INPP4B: variants seen among roughly 807,000 people sequenced by gnomAD.
INPP4B encodes inositol polyphosphate 4-phosphatase type II.
Under a neutral mutation model 122.5 loss-of-function variants are expected in INPP4B, and 55 were observed. The ratio of observed to expected loss-of-function variants is 0.45; its 90% CI spans 0.36 to 0.56. The LOEUF (loss-of-function observed/expected upper bound fraction) is 0.56. INPP4B is among the 20% of genes least tolerant of loss of function. INPP4B has a pLI of 0.00. For missense variants in INPP4B, 1,000 were observed against 1,097.7 expected, an observed-to-expected ratio of 0.91 and a Z score of 1.26; for synonymous variants, 403 against 388.7, an observed-to-expected ratio of 1.04 and a Z score of -0.43.
At chr4:142,063,073 ATATG>A in intron 25 of INPP4B, among the ~76,000 whole-genome samples, 1 of 152,328 alleles carries the variant, frequency 6.6e-6, no homozygotes, top group South Asian at 2.1e-4. Flanking sequence ...GCCTTCTTTT[ATATG>A]TAAGAATGTT....
intron 14 of INPP4B, among the ~76,000 whole-genome samples, chr4:142,206,931 G>A (rs907371536): frequency 6.6e-6 from 1 of 152,030 alleles, no homozygotes; most frequent in Non-Finnish European, 1.5e-5. Flanking sequence ...CTGCGACTGT[G>A]TACCTTTGAC....
rs563685658 is a variant in INPP4B at position 142,155,011 on chromosome 4, G to GAT, written c.1563+5345_1563+5346dup. On this transcript the variant is annotated intron_variant, in intron 17 of 25. Coordinates refer to ENST00000262992, the MANE Select transcript of INPP4B (RefSeq NM_001101669.3). ...TATTATACAAAATGATTTGAAGTTG[G>GAT]ATATATATATATACATATATTAATA... Among the ~76,000 whole-genome samples the GAT allele has an allele frequency of 6.7e-3, 1,003 of 150,078 alleles. 8 individuals carry two copies. The highest frequency in any genetic ancestry group is 7.2e-3 in the Admixed American group (108 of 14,986).
At chr4:142,824,748 A>G (rs1051138494) in intron 1 of INPP4B, among the ~76,000 whole-genome samples, 1 of 152,044 alleles carries the variant, frequency 6.6e-6, no homozygotes, top group Non-Finnish European at 1.5e-5. Flanking sequence ...GATTACTTCA[A>G]TGTTATTCTA....
intron 8 of INPP4B, among the ~76,000 whole-genome samples, chr4:142,310,508 G>A (rs1765109795): frequency 6.6e-6 from 1 of 152,034 alleles, no homozygotes; most frequent in South Asian, 2.1e-4. Flanking sequence ...CTGGTTTAGA[G>A]GTTAAATGAA....
intron 23 of INPP4B, among the ~76,000 whole-genome samples, chr4:142,091,635 C>T (rs373794140): frequency 3.3e-5 from 5 of 152,168 alleles, no homozygotes; most frequent in Admixed American, 2.0e-4. Context: ...TGACTATTCT[C>T]GTACCTCCCC....
intron 21 of INPP4B, among the ~76,000 whole-genome samples, chr4:142,117,716 G>A (rs980207608): frequency 1.2e-4 from 18 of 150,054 alleles, no homozygotes; most frequent in African/African-American, 4.4e-4. Flanking sequence ...ATACTGAATA[G>A]GCAAAAACTG....
intron 21 of INPP4B, among the ~76,000 whole-genome samples, chr4:142,116,720 A>C (rs1231668088): frequency 5.9e-5 from 9 of 152,184 alleles, no homozygotes; most frequent in Non-Finnish European, 1.0e-4. Context: ...GAAAGGTCTA[A>C]AATTGACACC....
At chr4:142,737,212 T>C (rs1767072145) in intron 1 of INPP4B, among the ~76,000 whole-genome samples, 1 of 152,084 alleles carries the variant, frequency 6.6e-6, no homozygotes, top group South Asian at 2.1e-4. Flanking sequence ...CTTCAAACTA[T>C]ACTACAAGGC....
chr4:142,799,029 C>G (rs907512260), intron 1 of INPP4B, among the ~76,000 whole-genome samples: 4 of 151,564 alleles, frequency 2.6e-5, no homozygotes, highest in Non-Finnish European at 4.4e-5. Context: ...CCCATGAGCA[C>G]ATAATACACT....
intron 23 of INPP4B, among the ~76,000 whole-genome samples, chr4:142,090,472 T>C (rs1226040118): frequency 1.3e-5 from 2 of 151,956 alleles, no homozygotes; most frequent in African/African-American, 4.8e-5. Context: ...GCAGTATCAT[T>C]AATAATAGCC....
chr4:142,629,838 G>C (rs960106375), intron 2 of INPP4B, among the ~76,000 whole-genome samples: 2 of 152,028 alleles, frequency 1.3e-5, no homozygotes, highest in African/African-American at 4.8e-5. Context: ...CTCTTCTTCC[G>C]AGGCTAGCAT....
At chr4:142,139,809 C>T (rs1264937851) in intron 18 of INPP4B, among the ~76,000 whole-genome samples, 2 of 152,124 alleles carry the variant, frequency 1.3e-5, no homozygotes, top group Non-Finnish European at 2.9e-5. Context: ...CTAGTAGTTA[C>T]CAGCAGACAG....
chr4:142,095,258 G>T (rs751530978), intron 23 of INPP4B, among the ~76,000 whole-genome samples: 1 of 152,144 alleles, frequency 6.6e-6, no homozygotes, highest in Non-Finnish European at 1.5e-5. Context: ...AACAAAAGAC[G>T]TTGCAGTTGT....
At chr4:142,669,314 TC>T (rs1438956821) in intron 2 of INPP4B, among the ~76,000 whole-genome samples, 1 of 151,780 alleles carries the variant, frequency 6.6e-6, no homozygotes, top group Non-Finnish European at 1.5e-5. Flanking sequence ...TAAAACATAA[TC>T]CCAAAATTCA....
At chr4:142,547,053 G>A (rs1016220208) in intron 2 of INPP4B, among the ~76,000 whole-genome samples, 12 of 150,176 alleles carry the variant, frequency 8.0e-5, no homozygotes, top group Non-Finnish European at 1.8e-4. Flanking sequence ...CTTTGAAATC[G>A]TACTTTTGAT....
At chr4:142,285,291 G>T (rs1753015324) in intron 9 of INPP4B, among the ~76,000 whole-genome samples, 1 of 151,992 alleles carries the variant, frequency 6.6e-6, no homozygotes, top group Non-Finnish European at 1.5e-5. Flanking sequence ...CAAGAAGTCT[G>T]GGAGGAGTAA....
intron 2 of INPP4B, among the ~76,000 whole-genome samples, chr4:142,590,609 G>T (rs930323178): frequency 1.3e-5 from 2 of 152,046 alleles, no homozygotes; most frequent in Non-Finnish European, 2.9e-5. Flanking sequence ...AGCAACAGGA[G>T]GAGGCTAGAA....
At chr4:142,781,946 T>C (rs182399976) in intron 1 of INPP4B, among the ~76,000 whole-genome samples, 1 of 152,122 alleles carries the variant, frequency 6.6e-6, no homozygotes, top group Admixed American at 6.5e-5. Context: ...TTCTAACTTT[T>C]GTCTTGCTAA....
In INPP4B at chr4:142,593,157, G is replaced by A. The variant is rs550988394; in HGVS notation, c.-190-130431C>T. Among the ~76,000 whole-genome samples the A allele has an allele frequency of 1.6e-4, 25 of 151,796 alleles. 2 individuals carry two copies. In the South Asian group the frequency reaches 5.2e-3, roughly 32 times the overall value. On this transcript the variant is annotated intron_variant, in intron 2 of 25. Transcript: ENST00000262992. ...TTAAATTATGAAAGGGAGGATTTTAGGGAAAAACTAGTCTGCATCATTTTT... is the reference window on the plus strand; with the variant it reads ...TTAAATTATGAAAGGGAGGATTTTAAGGAAAAACTAGTCTGCATCATTTTT...
Sources: allele counts gnomAD v4.1 joint callset (sites outside exome capture counted in the v4.1 genomes callset), GRCh38; gene constraint gnomAD v4.1.1; transcripts MANE v1.5; gene names NCBI Gene and HGNC (gene_info 2026-07-23, HGNC 2026-07-21).